Variants in GPHN observed in about 807,000 individuals in gnomAD.
GPHN encodes gephyrin.
Under a neutral mutation model 95.5 loss-of-function variants are expected in GPHN, and 17 were observed. The ratio of observed to expected loss-of-function variants is 0.18; its 90% CI spans 0.12 to 0.27. The LOEUF is 0.27. Ranked by LOEUF, GPHN falls within the 10% of genes least tolerant of loss-of-function variation. The probability of loss-of-function intolerance (pLI) is 1.00; values close to 1 mark genes in which losing one functional copy is unlikely to be tolerated. For missense variants in GPHN, 660 were observed against 978.1 expected, an observed-to-expected ratio of 0.67 and a Z score of 4.34; for synonymous variants, 320 against 322.5, an observed-to-expected ratio of 0.99 and a Z score of 0.08.
chr14:67,306,605 A>G, the GPHN span, among the ~76,000 whole-genome samples: 10 of 148,490 alleles, frequency 6.7e-5, no homozygotes, highest in South Asian at 2.2e-3. Context: ...CTGACCTCTG[A>G]TGATCCGCCC....
At chr14:67,575,358 G>A in the GPHN span, 4 of 1,321,634 alleles carry the variant, frequency 3.0e-6, no homozygotes, top group South Asian at 1.3e-5. Flanking sequence ...GAGTTACCTA[G>A]TTCTCATAAT....
intron 1 of GPHN, among the ~76,000 whole-genome samples, chr14:66,670,100 G>A (rs2066217143): frequency 6.6e-6 from 1 of 152,134 alleles, no homozygotes. Context: ...CTTCATCTGA[G>A]AGTAGTCCCT....
chr14:66,538,948 T>C (rs1347083093), intron 1 of GPHN, among the ~76,000 whole-genome samples: 1 of 152,120 alleles, frequency 6.6e-6, no homozygotes, highest in African/African-American at 2.4e-5. Context: ...CCTTTTTAGT[T>C]GTTAGGCCAA....
At chr14:67,226,855 C>A in the GPHN span, among the ~76,000 whole-genome samples, 1 of 152,190 alleles carries the variant, frequency 6.6e-6, no homozygotes, top group East Asian at 1.9e-4. Context: ...TAATATTCCC[C>A]TTAACTTGTT....
At chr14:67,210,722 G>C in the GPHN span, among the ~76,000 whole-genome samples, 22 of 151,816 alleles carry the variant, frequency 1.4e-4, no homozygotes, top group Non-Finnish European at 2.8e-4. Flanking sequence ...AATAGAGAAT[G>C]AACTTTGCCA....
chr14:66,586,924 G>A (rs2061444963), intron 1 of GPHN, among the ~76,000 whole-genome samples: 1 of 152,082 alleles, frequency 6.6e-6, no homozygotes, highest in African/African-American at 2.4e-5. Flanking sequence ...AAGTGAAATA[G>A]AGACTGTAAA....
At chr14:67,479,147 C>T in the GPHN span, among the ~76,000 whole-genome samples, 1 of 152,036 alleles carries the variant, frequency 6.6e-6, no homozygotes, top group Non-Finnish European at 1.5e-5. Flanking sequence ...GGTGGCTCAC[C>T]CTGTAAACCC....
At chr14:66,523,743 C>T (rs559102305) in intron 1 of GPHN, among the ~76,000 whole-genome samples, 1 of 152,170 alleles carries the variant, frequency 6.6e-6, no homozygotes, top group Admixed American at 6.5e-5. Context: ...ACTAAATATT[C>T]ATGAAATGTT....
chr14:67,264,507 C>G, the GPHN span, among the ~76,000 whole-genome samples: 15 of 152,076 alleles, frequency 9.9e-5, no homozygotes, highest in African/African-American at 3.4e-4. Flanking sequence ...ACTTTCTGAT[C>G]TCACGTTTAA....
intron 3 of GPHN, among the ~76,000 whole-genome samples, chr14:66,798,131 A>G (rs970475614): frequency 6.6e-6 from 1 of 151,944 alleles, no homozygotes; most frequent in African/African-American, 2.4e-5. Flanking sequence ...ACATTGACTG[A>G]TTTGCATATG....
the GPHN span, among the ~76,000 whole-genome samples, chr14:67,405,195 A>G: frequency 6.8e-6 from 1 of 147,016 alleles, no homozygotes; most frequent in South Asian, 2.2e-4. Context: ...ATTGAGCTCC[A>G]GCCTGGGCGA....
At chr14:66,873,088 C>T (rs1439262090) in intron 4 of GPHN, among the ~76,000 whole-genome samples, 2 of 152,130 alleles carry the variant, frequency 1.3e-5, no homozygotes, top group African/African-American at 4.8e-5. Context: ...CGGCTCATAT[C>T]GTTGGGACTG....
At chr14:67,652,803 T>C in the GPHN span, among the ~76,000 whole-genome samples, 1 of 151,794 alleles carries the variant, frequency 6.6e-6, no homozygotes, top group South Asian at 2.1e-4. Context: ...ATATATTTCT[T>C]TTTTTTTTGA....
intron 1 of GPHN, among the ~76,000 whole-genome samples, chr14:66,608,430 T>C (rs1463800751): frequency 6.6e-6 from 1 of 152,120 alleles, no homozygotes; most frequent in Non-Finnish European, 1.5e-5. Flanking sequence ...TAGAATATGT[T>C]TCTTATGCAG....
At chr14:67,009,079 T>C (rs1166176427) in intron 9 of GPHN, among the ~76,000 whole-genome samples, 1 of 152,234 alleles carries the variant, frequency 6.6e-6, no homozygotes, top group Non-Finnish European at 1.5e-5. Context: ...TCCTACACTT[T>C]ATTTTTTCTT....
chr14:66,835,564 C>T (rs1202420613), intron 4 of GPHN, among the ~76,000 whole-genome samples: 1 of 151,708 alleles, frequency 6.6e-6, no homozygotes, highest in Non-Finnish European at 1.5e-5. Flanking sequence ...CTCACCACTC[C>T]TATTCAACAT....
chr14:67,265,306 T>G, the GPHN span, among the ~76,000 whole-genome samples: 5 of 152,082 alleles, frequency 3.3e-5, no homozygotes. Context: ...GCCTGTAATC[T>G]CAGAGATTCG....
intron 17 of GPHN, among the ~76,000 whole-genome samples, chr14:67,130,572 G>A (rs933716144): frequency 2.0e-5 from 3 of 152,110 alleles, no homozygotes; most frequent in Non-Finnish European, 2.9e-5. Flanking sequence ...ATGAACTTAA[G>A]AGTGCATGTG....
chr14:66,929,894 G>T (rs529151271), intron 8 of GPHN, among the ~76,000 whole-genome samples: 1 of 152,014 alleles, frequency 6.6e-6, no homozygotes, highest in East Asian at 1.9e-4. Flanking sequence ...TGTATTTTTA[G>T]TAGAGACGGG....
Sources: allele counts gnomAD v4.1 joint callset (sites outside exome capture counted in the v4.1 genomes callset), GRCh38; gene constraint gnomAD v4.1.1; transcripts MANE v1.5; gene names NCBI Gene and HGNC (gene_info 2026-07-23, HGNC 2026-07-21).